MED12L: variants seen among roughly 807,000 people sequenced by gnomAD.
The protein encoded by MED12L is mediator complex subunit 12L.
MED12L carries 60 observed loss-of-function variants against 281.3 expected under a neutral mutation model. That is an observed-to-expected ratio of 0.21 (90% CI 0.17 to 0.26). MED12L has a LOEUF of 0.26. Ranked by LOEUF, MED12L falls within the 10% of genes least tolerant of loss-of-function variation. The pLI, the probability that MED12L is intolerant of heterozygous loss-of-function variation, is 1.00. For missense variants in MED12L, 2,146 were observed against 2,680.9 expected (o/e 0.80, Z 4.41); for synonymous variants, 974 against 987.2 (o/e 0.99, Z 0.25).
At chr3:151,245,038 T>C (rs1357154777) in intron 16 of MED12L, among the ~76,000 whole-genome samples, 4 of 152,126 alleles carry the variant, frequency 2.6e-5, no homozygotes, top group Admixed American at 6.5e-5. Flanking sequence ...ATAAATTCCT[T>C]GACACATACA....
intron 43 of MED12L, 77 bp downstream of exon 43, chr3:151,416,499 T>G: frequency 6.7e-7 from 1 of 1,489,106 alleles, no homozygotes; most frequent in Admixed American, 2.0e-5. Flanking sequence ...GTTCATAAGA[T>G]TGTTAAGAAT....
intron 16 of MED12L, chr3:151,294,762 ATAAAACCTTCGTGAAG>A (rs1744838363): frequency 6.2e-7 from 1 of 1,614,060 alleles, no homozygotes; most frequent in African/African-American, 1.3e-5. Flanking sequence ...ACACAAACAG[ATAAAACCTTCGTGAAG>A]GTTATGCTGT....
rs1718514987 is a variant in MED12L at position 151,423,495 on chromosome 3, TAA to T, written c.6409-6803_6409-6802del. 3.3e-5 allele frequency among the ~76,000 whole-genome samples: 5 copies of T among 152,226 alleles called. No homozygotes were observed. The South Asian group carries it at 6.2e-4, about 19-fold the overall frequency. On this transcript the variant is annotated intron_variant, in intron 43 of 44. Transcript: ENST00000687756. Reference sequence around the variant, plus strand: ...TTACAAATTAAATCTGGTCTGGACTTAATATCAATGCCTGTGTTGCCATCTAC... The same window carrying T: ...TTACAAATTAAATCTGGTCTGGACTTTATCAATGCCTGTGTTGCCATCTAC...
Position 151,368,235 on chromosome 3 carries a change from C to T in MED12L, c.3534C>T (p.Phe1178=), listed in dbSNP as rs1250914228. The T allele has an allele frequency of 6.2e-7, 1 of 1,614,022 alleles. No individual in the cohort carries two copies. The highest frequency in any genetic ancestry group is 8.5e-7 in the Non-Finnish European group (1 of 1,179,910). ...TCTTCCGAGCTCCCCAGGCCTGCTTCTTACCTCAAGCAACGGGTGAGCTGA... is the reference window on the plus strand; with the variant it reads ...TCTTCCGAGCTCCCCAGGCCTGCTTTTTACCTCAAGCAACGGGTGAGCTGA... ...LHLFRAPQAC[F]LPQATGKPFP... Residue 1178 remains phenylalanine (F), a synonymous_variant, in exon 25 of 45, where the codon TTC becomes TTT. Coordinates refer to ENST00000687756, the MANE Select transcript of MED12L (RefSeq NM_001393769.1).
rs950827207 is a variant in MED12L at position 151,384,114 on chromosome 3, G to A, written c.4822G>A (p.Gly1608Ser). ...ELFTTVLDML[G>S]VLINGTLASD... Reference sequence around the variant, plus strand: ...ATTCACAACAGTTCTTGACATGCTGGGTGTTTTAATCAATGGAACGTTAGC... The same window carrying A: ...ATTCACAACAGTTCTTGACATGCTGAGTGTTTTAATCAATGGAACGTTAGC... Residue 1608 changes from glycine to serine, a missense_variant, in exon 35 of 45, where the codon GGT (glycine) becomes AGT (serine). Physicochemically the swap from Gly to Ser is moderately conservative, Grantham distance 56. This residue lies in a region of MED12L where 212 missense variants were observed against 340.8 expected (regional missense o/e 0.62). Coordinates refer to ENST00000687756, the MANE Select transcript of MED12L (RefSeq NM_001393769.1). The A allele has an allele frequency of 1.2e-6, 2 of 1,613,688 alleles. No homozygotes were observed. Among genetic ancestry groups the A allele is most frequent in the Non-Finnish European group, 1.7e-6 (2 of 1,179,892 alleles).
chr3:151,274,303 G>C (rs988923525), intron 16 of MED12L, among the ~76,000 whole-genome samples: 1 of 152,074 alleles, frequency 6.6e-6, no homozygotes, highest in African/African-American at 2.4e-5. Context: ...CAGTTATAAG[G>C]ACAGCTGCTG....
intron 39 of MED12L, among the ~76,000 whole-genome samples, chr3:151,401,260 ATTTAT>A (rs1320711044): frequency 6.7e-6 from 1 of 148,554 alleles, no homozygotes; most frequent in African/African-American, 2.4e-5. Context: ...TGGTCATTTA[ATTTAT>A]TCAGTTTTTT....
chr3:151,102,525 A>G (rs1179812556), intron 2 of MED12L, among the ~76,000 whole-genome samples: 1 of 152,204 alleles, frequency 6.6e-6, no homozygotes, highest in Non-Finnish European at 1.5e-5. Context: ...TTTCCAAGCC[A>G]GAAGAAGGAT....
rs563922335 is a variant in MED12L at position 151,216,910 on chromosome 3, C to G, written c.2250+23244C>G. Among the ~76,000 whole-genome samples the G allele has an allele frequency of 1.2e-4, 18 of 152,240 alleles. No individual in the cohort carries two copies. In the South Asian group the frequency reaches 3.7e-3, roughly 32 times the overall value. On this transcript the variant is annotated intron_variant, in intron 16 of 44. Transcript: ENST00000687756. ...CATTTTGGTTTAAATGCCAGTCTTG[C>G]AGAGCTTGAGAGAATGCATGCTGCT...
At chr3:151,221,176 T>TA (rs1205557756) in intron 16 of MED12L, among the ~76,000 whole-genome samples, 1 of 152,196 alleles carries the variant, frequency 6.6e-6, no homozygotes, top group Non-Finnish European at 1.5e-5. Flanking sequence ...TTAGGGTATC[T>TA]AGCTGAAGAA....
At chr3:151,275,638 G>A (rs967967006) in intron 16 of MED12L, among the ~76,000 whole-genome samples, 9 of 152,108 alleles carry the variant, frequency 5.9e-5, no homozygotes, top group African/African-American at 2.2e-4. Context: ...TATAAAAATA[G>A]CATTCATTAA....
Position 151,361,367 on chromosome 3 carries a change from C to T in MED12L, c.2957+762C>T, listed in dbSNP as rs186369520. Among the ~76,000 whole-genome samples, 265 of 152,068 alleles carry T rather than the reference C, an allele frequency of 1.7e-3. 1 individual carries two copies. Among genetic ancestry groups the T allele is most frequent in the African/African-American group, 6.2e-3 (258 of 41,458 alleles). On this transcript the variant is annotated intron_variant, in intron 21 of 44. Transcript: ENST00000687756. ...GCATTAAAAGTAGGAAACCTGGTTTCTATTACAGATTGTATTAGATTCAGG... is the reference window on the plus strand; with the variant it reads ...GCATTAAAAGTAGGAAACCTGGTTTTTATTACAGATTGTATTAGATTCAGG...
chr3:151,395,475 A>G (rs531630708), intron 39 of MED12L, among the ~76,000 whole-genome samples: 144 of 152,332 alleles, frequency 9.5e-4, no homozygotes, highest in African/African-American at 3.4e-3. Context: ...ACAGTGATCC[A>G]TGTTTAAGAA....
intron 16 of MED12L, among the ~76,000 whole-genome samples, chr3:151,231,372 A>G (rs949700981): frequency 6.6e-6 from 1 of 152,230 alleles, no homozygotes; most frequent in Non-Finnish European, 1.5e-5. Flanking sequence ...ATTTAGAGTA[A>G]TAAAAAGTAT....
At chr3:151,199,029 A>AGCT in intron 16 of MED12L, 1 of 1,614,196 alleles carries the variant, frequency 6.2e-7, no homozygotes, top group Non-Finnish European at 8.5e-7. Flanking sequence ...TAGATCTTGC[A>AGCT]GCTGTGTGTC....
At chr3:151,231,683 G>A (rs1376385562) in intron 16 of MED12L, among the ~76,000 whole-genome samples, 2 of 152,156 alleles carry the variant, frequency 1.3e-5, no homozygotes, top group Non-Finnish European at 2.9e-5. Flanking sequence ...GTTAATGAGT[G>A]GTGATTGTTG....
intron 16 of MED12L, among the ~76,000 whole-genome samples, chr3:151,244,815 TAATG>T (rs1339527107): frequency 5.3e-5 from 8 of 151,984 alleles, no homozygotes; most frequent in Non-Finnish European, 7.4e-5. Context: ...TTCAAAAAAT[TAATG>T]AATCCAGGAG....
At chr3:151,365,280 G>T (rs1046307367) in intron 22 of MED12L, 74 bp downstream of exon 22, 2 of 1,227,112 alleles carry the variant, frequency 1.6e-6, no homozygotes, top group Non-Finnish European at 2.4e-6. Context: ...AATTGATGTC[G>T]TTAGTAAGTG....
intron 43 of MED12L, among the ~76,000 whole-genome samples, chr3:151,426,821 T>A (rs1232425422): frequency 3.9e-4 from 2 of 5,070 alleles, no homozygotes. Flanking sequence ...ATGGTTTTAC[T>A]TTTTTTTTTT....
Sources: allele counts gnomAD v4.1 joint callset (sites outside exome capture counted in the v4.1 genomes callset), GRCh38; gene constraint gnomAD v4.1.1; regional missense constraint gnomAD v4.1.1; transcripts MANE v1.5; gene names NCBI Gene and HGNC (gene_info 2026-07-23, HGNC 2026-07-21).